The following PBX3 variants were observed in gnomAD, a reference collection of about 807,000 sequenced individuals.
PBX3 encodes pre-B-cell leukemia transcription factor 3.
In PBX3, 14 loss-of-function variants were observed where a neutral mutation model predicts 48.5. The ratio of observed to expected loss-of-function variants is 0.29; its 90% CI spans 0.19 to 0.45. PBX3 has a LOEUF of 0.45. Among genes scored for constraint, PBX3 ranks in the 20% least tolerant of loss-of-function variants. PBX3 has a pLI of 1.00. For missense variants in PBX3, 386 were observed against 546.7 expected, an observed-to-expected ratio of 0.71 and a Z score of 2.93; for synonymous variants, 210 against 200.3, an observed-to-expected ratio of 1.05 and a Z score of -0.41.
intron 5 of PBX3, among the ~76,000 whole-genome samples, chr9:125,951,106 T>G (rs1025402643): frequency 6.6e-6 from 1 of 152,212 alleles, no homozygotes; most frequent in Non-Finnish European, 1.5e-5. Flanking sequence ...TTAAATGAGA[T>G]AATACATGCA....
At chr9:125,793,364 A>ATATAT (rs1263966407) in intron 2 of PBX3, among the ~76,000 whole-genome samples, 178 of 59,088 alleles carry the variant, frequency 3.0e-3, no homozygotes, top group East Asian at 0.018. Context: ...GGGGAAAAAA[A>ATATAT]AAATATATAT....
chr9:125,747,835 G>A (rs1233118797), intron 1 of PBX3, among the ~76,000 whole-genome samples, 182 bp downstream of exon 1: 2 of 151,636 alleles, frequency 1.3e-5, no homozygotes, highest in Non-Finnish European at 3.0e-5. Context: ...GCGGGCGGGA[G>A]TCGGCAAAGT....
intron 2 of PBX3, among the ~76,000 whole-genome samples, chr9:125,883,807 A>G (rs978656951): frequency 3.3e-5 from 5 of 152,226 alleles, no homozygotes; most frequent in East Asian, 1.9e-4. Flanking sequence ...TATAGTACTA[A>G]TAAAACCATG....
intron 3 of PBX3, among the ~76,000 whole-genome samples, chr9:125,918,979 A>G (rs1841394738): frequency 6.6e-6 from 1 of 152,192 alleles, no homozygotes. Context: ...TTTCCATTTT[A>G]TAGAGGAGAA....
intron 3 of PBX3, among the ~76,000 whole-genome samples, 192 bp from the exon 4 acceptor site, chr9:125,929,463 A>T (rs568096988): frequency 6.6e-6 from 1 of 152,326 alleles, no homozygotes; most frequent in East Asian, 1.9e-4. Flanking sequence ...ACGTCTGACC[A>T]TGCACGGTTT....
chr9:125,772,884 G>A (rs2132006382), intron 2 of PBX3, among the ~76,000 whole-genome samples: 1 of 152,278 alleles, frequency 6.6e-6, no homozygotes, highest in African/African-American at 2.4e-5. Flanking sequence ...TGGGCAACAT[G>A]GGGTGACACC....
chr9:125,934,927 A>G (rs1438413664), intron 4 of PBX3, among the ~76,000 whole-genome samples: 2 of 152,184 alleles, frequency 1.3e-5, no homozygotes, highest in Non-Finnish European at 2.9e-5. Context: ...CAGCAGTCAG[A>G]ATGATCTTTT....
At chr9:125,776,211 T>C (rs1837066789) in intron 2 of PBX3, among the ~76,000 whole-genome samples, 1 of 152,244 alleles carries the variant, frequency 6.6e-6, no homozygotes, top group Non-Finnish European at 1.5e-5. Context: ...CCATTGAGTA[T>C]ATTGTTACCT....
At chr9:125,838,498 G>A (rs1003912284) in intron 2 of PBX3, among the ~76,000 whole-genome samples, 5 of 152,160 alleles carry the variant, frequency 3.3e-5, no homozygotes, top group African/African-American at 7.2e-5. Flanking sequence ...CCACAAGAAC[G>A]TTAGGTGTAT....
intron 2 of PBX3, among the ~76,000 whole-genome samples, chr9:125,815,659 T>G (rs1838437897): frequency 6.6e-6 from 1 of 151,384 alleles, no homozygotes; most frequent in Non-Finnish European, 1.5e-5. Flanking sequence ...GTTGTCTGAC[T>G]TCTCCTTTGG....
chr9:125,900,657 G>A (rs950607595), intron 2 of PBX3, among the ~76,000 whole-genome samples: 2 of 151,680 alleles, frequency 1.3e-5, no homozygotes, highest in African/African-American at 4.8e-5. Flanking sequence ...GAGATGTAGC[G>A]AAAGCAAATG....
At chr9:125,780,215 A>G (rs1382518985) in intron 2 of PBX3, among the ~76,000 whole-genome samples, 1 of 124,424 alleles carries the variant, frequency 8.0e-6, no homozygotes, top group Non-Finnish European at 1.7e-5. Context: ...TCCCTCCCGG[A>G]CGGGTCGGCT....
chr9:125,803,560 T>G (rs1838033098), intron 2 of PBX3, among the ~76,000 whole-genome samples: 1 of 152,238 alleles, frequency 6.6e-6, no homozygotes, highest in Non-Finnish European at 1.5e-5. Context: ...GGGCCATTTA[T>G]TTTTTAGAAT....
At chr9:125,884,147 A>G (rs1041020184) in intron 2 of PBX3, among the ~76,000 whole-genome samples, 2 of 152,186 alleles carry the variant, frequency 1.3e-5, no homozygotes, top group African/African-American at 4.8e-5. Flanking sequence ...GGGCTGTGTG[A>G]ATGTGCCATT....
At chr9:125,949,572 T>A in intron 5 of PBX3, 7 of 1,257,396 alleles carry the variant, frequency 5.6e-6, no homozygotes, top group Non-Finnish European at 7.3e-6. Context: ...TGCATGAGAT[T>A]CATTTTTGAT....
At chr9:125,779,102 C>A (rs1376503352) in intron 2 of PBX3, among the ~76,000 whole-genome samples, 1 of 134,252 alleles carries the variant, frequency 7.4e-6, no homozygotes, top group Non-Finnish European at 1.6e-5. Context: ...CCCTTGGTAA[C>A]CTCTAATCTG....
chr9:125,950,292 C>T lies in PBX3; in HGVS notation c.844-10392C>T, dbSNP rs1000387956. ...AAAGGGCAAAGCTGAACTGTAAGGG[C>T]GTCAGCACATTATGGCAATAAAATT... On this transcript the variant is annotated intron_variant, in intron 5 of 8. Coordinates refer to ENST00000373489, the MANE Select transcript of PBX3 (RefSeq NM_006195.6). 5.9e-5 allele frequency among the ~76,000 whole-genome samples: 9 copies of T among 152,078 alleles called. 1 individual carries two copies. In the South Asian group the frequency reaches 1.0e-3, roughly 18 times the overall value.
intron 2 of PBX3, among the ~76,000 whole-genome samples, chr9:125,783,956 A>G (rs1284867544): frequency 6.6e-6 from 1 of 151,992 alleles, no homozygotes; most frequent in Non-Finnish European, 1.5e-5. Flanking sequence ...AGCCGAGGTC[A>G]TGCCACCGCA....
intron 2 of PBX3, among the ~76,000 whole-genome samples, chr9:125,833,398 C>T (rs1478748042): frequency 6.6e-6 from 1 of 151,930 alleles, no homozygotes; most frequent in African/African-American, 2.4e-5. Context: ...GCAGGAGGAT[C>T]ACCTGAGCCT....
Sources: gnomAD v4.1 joint callset for allele counts (sites outside exome capture counted in the v4.1 genomes callset) on GRCh38, gnomAD v4.1.1 for gene constraint, MANE v1.5 for transcripts, NCBI Gene and HGNC (gene_info 2026-07-23, HGNC 2026-07-21) for gene names.